EP400: variants seen among roughly 807,000 people sequenced by gnomAD.
EP400 encodes the protein E1A-binding protein p400.
EP400 carries 105 observed loss-of-function variants against 354.1 expected under a neutral mutation model. The ratio of observed to expected loss-of-function variants is 0.30; its 90% CI spans 0.25 to 0.35. The LOEUF (loss-of-function observed/expected upper bound fraction) is 0.35, where lower values mean the gene tolerates loss of function less well. EP400 is among the 10% of genes least tolerant of loss of function. The pLI, the probability that EP400 is intolerant of heterozygous loss-of-function variation, is 1.00. For synonymous variants in EP400, 1,646 were observed against 1,716.9 expected, an observed-to-expected ratio of 0.96 and a Z score of 1.02; for missense variants, 3,280 against 4,121.0, an observed-to-expected ratio of 0.80 and a Z score of 5.59.
chr12:132,017,448 T>C lies in EP400; in HGVS notation c.3924-87T>C. 1 of 1,441,596 alleles carries C rather than the reference T, an allele frequency of 6.9e-7. No individual in the cohort carries two copies. Among genetic ancestry groups the C allele is most frequent in the Non-Finnish European group, 9.5e-7 (1 of 1,056,518 alleles). The allele number at this position is 1,441,596 out of a possible 1,614,324, so 89.3% of individuals were successfully genotyped here. ...GAAAATCTGCTCCTGCCTGCCTTTC[T>C]GGAGTTGGGACAGTCGATGGTGAGG... On this transcript the variant is annotated intron_variant, in intron 19 of 52. Transcript: ENST00000389561. This position sits in a 1 kb window ranked among gnomAD's most constrained non-coding sequence, Gnocchi z 5.0.
At chr12:132,031,400 A>G (rs1195778815) in intron 29 of EP400, 1 of 518,950 alleles carries the variant, frequency 1.9e-6, no homozygotes, top group Non-Finnish European at 3.8e-6. Flanking sequence ...CTTGTCACTC[A>G]TGGCTGATGT....
In EP400 at chr12:132,017,468, G is replaced by A; in HGVS notation, c.3924-67G>A. The A allele has an allele frequency of 6.5e-7, 1 of 1,534,236 alleles. No individual in the cohort carries two copies. Among genetic ancestry groups the A allele is most frequent in the Non-Finnish European group, 8.9e-7 (1 of 1,126,820 alleles). On this transcript the variant is annotated intron_variant, in intron 19 of 52. Coordinates refer to ENST00000389561, the MANE Select transcript of EP400 (RefSeq NM_015409.5). The surrounding 1 kb of genome is among the most constrained non-coding windows in gnomAD (Gnocchi z 5.0). Reference sequence around the variant, plus strand: ...CTTTCTGGAGTTGGGACAGTCGATGGTGAGGGTGGGACTATGTCCATGTGC... The same window carrying A: ...CTTTCTGGAGTTGGGACAGTCGATGATGAGGGTGGGACTATGTCCATGTGC...
intron 39 of EP400, among the ~76,000 whole-genome samples, chr12:132,049,410 C>T (rs1895222152): frequency 6.6e-6 from 1 of 152,228 alleles, no homozygotes; most frequent in Non-Finnish European, 1.5e-5. Context: ...ACTGCTGTGG[C>T]CTTGCATGTT....
Position 132,011,553 on chromosome 12 carries a change from G to A in EP400, c.3360G>A (p.Glu1120=). The A allele has an allele frequency of 6.2e-7, 1 of 1,614,138 alleles. No homozygotes were observed. The change falls in exon 16 of 53, where the codon GAG becomes GAA. Residue 1120 remains glutamate (E), a synonymous_variant. Coordinates refer to ENST00000389561, the MANE Select transcript of EP400 (RefSeq NM_015409.5). ...GAAGTTGTAACATACTCAAGTGGGA[G>A]CTTGAATTGAAACGTTGGTGTCCCG... ...VVRSCNILKW[E]LELKRWCPGL...
At chr12:131,991,699 G>C (rs1450784550) in intron 10 of EP400, among the ~76,000 whole-genome samples, 4 of 151,202 alleles carry the variant, frequency 2.6e-5, no homozygotes, top group African/African-American at 9.7e-5. Flanking sequence ...TCCTGCCTCA[G>C]CCTCCCGAGT....
chr12:132,030,202 T>C, intron 29 of EP400, 44 bp downstream of exon 29: 1 of 1,604,360 alleles, frequency 6.2e-7, no homozygotes, highest in Non-Finnish European at 8.5e-7. Context: ...GGTCAGTCAC[T>C]GGTGTTGAAT....
At chr12:131,995,916 T>C (rs1893196535) in intron 12 of EP400, among the ~76,000 whole-genome samples, 1 of 151,778 alleles carries the variant, frequency 6.6e-6, no homozygotes, top group Non-Finnish European at 1.5e-5. Context: ...ATCCTGAGTG[T>C]GTGAGAACTT....
chr12:131,995,138 G>C (rs1893160538), intron 12 of EP400, 182 bp downstream of exon 12: 4 of 545,276 alleles, frequency 7.3e-6, no homozygotes, highest in Non-Finnish European at 1.3e-5. Context: ...CCTGGGTTGT[G>C]TGTCGGACAC....
intron 42 of EP400, 45 bp from the exon 43 acceptor site, chr12:132,053,298 C>T (rs775500647): frequency 8.1e-6 from 13 of 1,602,854 alleles, no homozygotes; most frequent in Middle Eastern, 1.6e-4. Context: ...GTATGCAGGC[C>T]GAGTCTGCCC....
At chr12:131,950,834 G>A (rs2136454803) in intron 1 of EP400, among the ~76,000 whole-genome samples, 1 of 152,250 alleles carries the variant, frequency 6.6e-6, no homozygotes, top group Admixed American at 6.5e-5. Flanking sequence ...GCTCACTAGA[G>A]CCTCGACCTC....
At position 132,017,524 on chromosome 12, in the gene EP400, T is replaced by G. The variant is rs1893984812; in HGVS notation, c.3924-11T>G. ...GGATTGAATGCTTCGTGTTTCTTTC[T>G]CCACGGGCAGCACTCAGGAGGCCTT... On this transcript the variant is annotated splice_polypyrimidine_tract_variant and intron_variant, in intron 19 of 52. Coordinates refer to ENST00000389561, the MANE Select transcript of EP400 (RefSeq NM_015409.5). This position sits in a 1 kb window ranked among gnomAD's most constrained non-coding sequence, Gnocchi z 5.0. The G allele has an allele frequency of 6.2e-7, 1 of 1,613,010 alleles. No individual in the cohort carries two copies. The highest frequency in any genetic ancestry group is 8.5e-7 in the Non-Finnish European group (1 of 1,179,620).
At position 132,044,823 on chromosome 12, in the gene EP400, G is replaced by C. The variant is rs141740536; in HGVS notation, c.6654G>C (p.Pro2218=). 1.3e-5 allele frequency: 21 copies of C among 1,614,058 alleles called. No homozygotes were observed. The highest frequency in any genetic ancestry group is 1.8e-5 in the Non-Finnish European group (21 of 1,180,000). Residue 2218 remains proline, a synonymous_variant, in exon 37 of 53, where the codon CCG becomes CCC. Transcript: ENST00000389561. ...AGCTCTGGACCCCACCCACCCCGCC[G>C]CAGGACGACAGCGACATCTACCTCG... ...VMPLWTPPTP[P]QDDSDIYLDS...
chr12:131,982,577 T>C, intron 5 of EP400, 99 bp downstream of exon 5: 1 of 1,448,468 alleles, frequency 6.9e-7, no homozygotes, highest in Non-Finnish European at 9.2e-7. Flanking sequence ...AATTTGTGTA[T>C]TTTCTCTTAG....
chr12:132,045,576 C>G lies in EP400; in HGVS notation c.7026+16C>G. The G allele has an allele frequency of 1.2e-6, 2 of 1,613,064 alleles. No individual in the cohort carries two copies. The highest frequency in any genetic ancestry group is 1.7e-6 in the Non-Finnish European group (2 of 1,179,232). On this transcript the variant is annotated intron_variant, in intron 38 of 52. Coordinates refer to ENST00000389561, the MANE Select transcript of EP400 (RefSeq NM_015409.5). ...GCTGCTGCAGGTAGGTGGGCGTGGTCTTTGTGCCAGCGGTCATGTGCGGTC... is the reference window on the plus strand; with the variant it reads ...GCTGCTGCAGGTAGGTGGGCGTGGTGTTTGTGCCAGCGGTCATGTGCGGTC...
rs550357724 is a variant in EP400, at chr12:132,017,850, A to G, written c.4110+129A>G. ...AATTGCAATTGCAGCTCCGCGATACATGGCACCGTCTAGCAGCACTGATGG... is the reference window on the plus strand; with the variant it reads ...AATTGCAATTGCAGCTCCGCGATACGTGGCACCGTCTAGCAGCACTGATGG... On this transcript the variant is annotated intron_variant, in intron 20 of 52. Coordinates refer to ENST00000389561, the MANE Select transcript of EP400 (RefSeq NM_015409.5). This position sits in a 1 kb window ranked among gnomAD's most constrained non-coding sequence, Gnocchi z 5.0. 2 of 1,056,686 alleles carry G rather than the reference A, an allele frequency of 1.9e-6. No individual in the cohort carries two copies. Among genetic ancestry groups the G allele is most frequent in the African/African-American group, 1.6e-5 (1 of 61,554 alleles). 65.5% of individuals were successfully genotyped at this position (1,056,686 alleles called of 1,614,324 possible).
At position 131,961,488 on chromosome 12, in the gene EP400, G is replaced by A. The variant is rs1168336823; in HGVS notation, c.869G>A (p.Arg290Gln). 11 of 1,570,248 alleles carry A rather than the reference G, an allele frequency of 7.0e-6. 1 individual carries two copies. Among genetic ancestry groups the A allele is most frequent in the Non-Finnish European group, 9.5e-6 (11 of 1,157,012 alleles). The change falls in exon 2 of 53, where the codon CGG becomes CAG. Residue 290 changes from arginine (R) to glutamine (Q), a missense_variant. Physicochemically the swap from Arg to Gln is conservative, Grantham distance 43. Transcript: ENST00000389561. ...QQVLQGPPLPRPLGFERTPGV... is the reference protein window; with the variant it reads ...QQVLQGPPLPQPLGFERTPGV... ...GTGCTGCAGGGGCCGCCGCTGCCCC[G>A]GCCCCTGGGCTTCGAGAGGACACCC...
chr12:132,030,793 G>A (rs1187412311), intron 29 of EP400, among the ~76,000 whole-genome samples: 1 of 152,234 alleles, frequency 6.6e-6, no homozygotes, highest in Non-Finnish European at 1.5e-5. Flanking sequence ...AGAAGAGTGA[G>A]TGCATAAGGG....
chr12:131,981,661 C>G, intron 4 of EP400, 65 bp downstream of exon 4: 2 of 1,392,172 alleles, frequency 1.4e-6, no homozygotes, highest in Admixed American at 2.1e-5. Context: ...GTTCCAGAAA[C>G]CAGCACCAGA....
intron 35 of EP400, 33 bp from the exon 36 acceptor site, chr12:132,044,638 G>C: frequency 4.3e-6 from 7 of 1,613,766 alleles, no homozygotes; most frequent in Non-Finnish European, 5.9e-6. Context: ...ACTGAGACTT[G>C]GTGGAAGTCA....
Sources: allele counts gnomAD v4.1 joint callset (sites outside exome capture counted in the v4.1 genomes callset), GRCh38; gene constraint gnomAD v4.1.1; non-coding constraint Gnocchi (gnomAD v3.1); transcripts MANE v1.5; gene names NCBI Gene and HGNC (gene_info 2026-07-23, HGNC 2026-07-21).